Variants in EYS observed in about 807,000 individuals in gnomAD.
EYS encodes protein eyes shut homolog.
In EYS, 250 loss-of-function variants were observed where a neutral mutation model predicts 282.1. That is an observed-to-expected ratio of 0.89 (90% CI 0.80 to 0.98). The LOEUF is 0.98. Ranked by LOEUF, EYS falls within the 50% of genes least tolerant of loss-of-function variation. EYS has a pLI of 0.00. For missense variants in EYS, 4,016 were observed against 3,709.0 expected (o/e 1.08, Z -2.15); for synonymous variants, 1,355 against 1,282.9 (o/e 1.06, Z -1.20).
intron 33 of EYS, among the ~76,000 whole-genome samples, chr6:64,038,933 T>C (rs982898886): frequency 6.6e-6 from 1 of 152,146 alleles, no homozygotes; most frequent in African/African-American, 2.4e-5. Flanking sequence ...CTCTCCTGAG[T>C]AGCTAGAACC....
chr6:64,832,485 T>C (rs1257919225), intron 19 of EYS, among the ~76,000 whole-genome samples: 1 of 151,844 alleles, frequency 6.6e-6, no homozygotes, highest in East Asian at 1.9e-4. Flanking sequence ...AAAATTTCAC[T>C]TATGCAAGAT....
intron 35 of EYS, among the ~76,000 whole-genome samples, chr6:63,911,712 A>G (rs944942670): frequency 2.0e-5 from 3 of 152,200 alleles, no homozygotes; most frequent in African/African-American, 7.2e-5. Flanking sequence ...TTTAGGTTAA[A>G]TACAAATATT....
At chr6:64,389,484 G>T (rs1311148668) in intron 28 of EYS, among the ~76,000 whole-genome samples, 2 of 152,132 alleles carry the variant, frequency 1.3e-5, no homozygotes, top group African/African-American at 4.8e-5. Flanking sequence ...GTTTAATCCA[G>T]AGATTGGCAA....
chr6:64,460,311 A>T (rs751346258), intron 26 of EYS, among the ~76,000 whole-genome samples: 1 of 152,230 alleles, frequency 6.6e-6, no homozygotes, highest in Non-Finnish European at 1.5e-5. Context: ...AAAATTAAGG[A>T]CTTAACAAGA....
chr6:65,466,521 G>A (rs1765006622), intron 5 of EYS, among the ~76,000 whole-genome samples: 1 of 151,814 alleles, frequency 6.6e-6, no homozygotes, highest in African/African-American at 2.4e-5. Flanking sequence ...TTAATATGAG[G>A]AACATTGTTA....
chr6:64,680,093 C>T (rs1050257987), intron 22 of EYS, among the ~76,000 whole-genome samples: 4 of 151,452 alleles, frequency 2.6e-5, no homozygotes, highest in Non-Finnish European at 5.9e-5. Flanking sequence ...GAAAAAAAAA[C>T]CTATTCAATA....
intron 1 of EYS, among the ~76,000 whole-genome samples, chr6:65,648,401 T>C (rs1767534755): frequency 6.6e-6 from 1 of 151,854 alleles, no homozygotes; most frequent in Non-Finnish European, 1.5e-5. Flanking sequence ...TAATGGTATT[T>C]GCAGCAACCT....
At chr6:63,970,025 C>A (rs1766481460) in intron 35 of EYS, among the ~76,000 whole-genome samples, 1 of 152,116 alleles carries the variant, frequency 6.6e-6, no homozygotes, top group Non-Finnish European at 1.5e-5. Context: ...ACACCCAGAC[C>A]CCCGCTACGA....
At chr6:65,328,599 A>T (rs185340771) in intron 11 of EYS, among the ~76,000 whole-genome samples, 1 of 151,260 alleles carries the variant, frequency 6.6e-6, no homozygotes, top group Non-Finnish European at 1.5e-5. Context: ...ATAATTTATG[A>T]ATGTATTGCT....
chr6:65,341,336 T>A (rs1030528191), intron 10 of EYS, among the ~76,000 whole-genome samples: 1 of 151,220 alleles, frequency 6.6e-6, no homozygotes, highest in African/African-American at 2.4e-5. Flanking sequence ...CGGGTTCTTC[T>A]CAGTCTTTTA....
chr6:65,397,030 T>A (rs1044567276), intron 7 of EYS, among the ~76,000 whole-genome samples: 29 of 151,900 alleles, frequency 1.9e-4, no homozygotes, highest in African/African-American at 6.5e-4. Flanking sequence ...TCCTAACTCA[T>A]GGAGTCCTTT....
intron 12 of EYS, among the ~76,000 whole-genome samples, chr6:65,231,377 T>C (rs1160970885): frequency 6.6e-6 from 1 of 151,468 alleles, no homozygotes; most frequent in African/African-American, 2.4e-5. Context: ...AATCCATTCA[T>C]TAAAACAGTT....
chr6:64,668,589 G>C (rs142545198), intron 22 of EYS, among the ~76,000 whole-genome samples: 1 of 120,060 alleles, frequency 8.3e-6, no homozygotes, highest in Non-Finnish European at 1.6e-5. Context: ...TCGCTCTGTC[G>C]CCCAGGCTGG....
At chr6:65,638,850 G>C (rs1054959306) in intron 2 of EYS, among the ~76,000 whole-genome samples, 7 of 152,192 alleles carry the variant, frequency 4.6e-5, no homozygotes, top group Admixed American at 6.5e-5. Flanking sequence ...GTGGGCCCAA[G>C]CAAAACTCAG....
intron 26 of EYS, among the ~76,000 whole-genome samples, chr6:64,458,681 T>C (rs1406467721): frequency 1.3e-5 from 2 of 152,154 alleles, no homozygotes; most frequent in Non-Finnish European, 2.9e-5. Flanking sequence ...TCTGATTTTT[T>C]TAATGGGATA....
At chr6:65,188,120 T>C (rs1036295783) in intron 12 of EYS, among the ~76,000 whole-genome samples, 1 of 151,590 alleles carries the variant, frequency 6.6e-6, no homozygotes, top group Non-Finnish European at 1.5e-5. Context: ...ATAAAGTATA[T>C]ATACTCATAT....
chr6:64,927,602 T>TA (rs1174041686), intron 15 of EYS, among the ~76,000 whole-genome samples: 3 of 152,110 alleles, frequency 2.0e-5, no homozygotes, highest in East Asian at 1.9e-4. Context: ...CAGGTGACAA[T>TA]AAAAAATAAT....
chr6:64,138,486 A>T (rs532971871), intron 31 of EYS, among the ~76,000 whole-genome samples: 1 of 152,282 alleles, frequency 6.6e-6, no homozygotes, highest in Non-Finnish European at 1.5e-5. Context: ...TCAAGGAATA[A>T]GAGGGCATAT....
At chr6:64,667,413 C>A (rs1016232891) in intron 22 of EYS, among the ~76,000 whole-genome samples, 4 of 151,776 alleles carry the variant, frequency 2.6e-5, no homozygotes, top group African/African-American at 9.7e-5. Flanking sequence ...TTGGACACAA[C>A]GTGCAGATGG....
Sources: allele counts gnomAD v4.1 joint callset (sites outside exome capture counted in the v4.1 genomes callset), GRCh38; gene constraint gnomAD v4.1.1; transcripts MANE v1.5; gene names NCBI Gene and HGNC (gene_info 2026-07-23, HGNC 2026-07-21).